F11: variants seen among roughly 807,000 people sequenced by gnomAD.
F11 encodes the protein coagulation factor XI, also known as coagualtion factor XI.
A neutral mutation model predicts 76.5 loss-of-function variants in F11; 78 were observed. The observed-to-expected ratio is 1.02, with a 90% CI of 0.85 to 1.23. The LOEUF (loss-of-function observed/expected upper bound fraction) is 1.23. F11 is among the 50% of genes most tolerant of loss of function. F11 has a pLI of 0.00. For synonymous variants in F11, 278 were observed against 276.3 expected (o/e 1.01, Z -0.06); for missense variants, 742 against 771.4 (o/e 0.96, Z 0.45).
intron 4 of F11, among the ~76,000 whole-genome samples, chr4:186,273,410 A>G (rs569498199): frequency 6.6e-6 from 1 of 152,092 alleles, no homozygotes; most frequent in East Asian, 1.9e-4. Context: ...ACTTCCCATC[A>G]TTTATTTATA....
At chr4:186,275,254 G>A in intron 5 of F11, 1 of 450,852 alleles carries the variant, frequency 2.2e-6, no homozygotes, top group Non-Finnish European at 4.4e-6. Flanking sequence ...ACTTTGGGAG[G>A]CCGAGGCGGG....
At chr4:186,277,485 C>T (rs1740474278) in intron 7 of F11, among the ~76,000 whole-genome samples, 1 of 152,070 alleles carries the variant, frequency 6.6e-6, no homozygotes, top group African/African-American at 2.4e-5. Context: ...TTGTCTAGTT[C>T]TAAATGAAAT....
In F11 at chr4:186,273,142, G is replaced by T; in HGVS notation, c.290G>T (p.Gly97Val). The change falls in exon 4 of 15, where the codon GGG becomes GTG. Residue 97 changes from glycine to valine, a missense_variant. Physicochemically the swap from Gly to Val is moderately radical, Grantham distance 109. Transcript: ENST00000403665. Reference sequence around the variant, plus strand: ...GTGAATAGGACAGCAGCGATTTCTGGGTATTCTTTCAAGCAATGCTCACAC... The same window carrying T: ...GTGAATAGGACAGCAGCGATTTCTGTGTATTCTTTCAAGCAATGCTCACAC... ...PRVNRTAAIS[G>V]YSFKQCSHQI... 6.2e-7 allele frequency: 1 copy of T among 1,613,876 alleles called. No individual in the cohort carries two copies. Among genetic ancestry groups the T allele is most frequent in the Non-Finnish European group, 8.5e-7 (1 of 1,179,840 alleles).
chr4:186,270,685 C>T (rs1236560679), intron 2 of F11, among the ~76,000 whole-genome samples: 4 of 151,870 alleles, frequency 2.6e-5, no homozygotes, highest in African/African-American at 9.7e-5. Context: ...CGTGTGTGCG[C>T]ATGTGCACAT....
chr4:186,282,117 A>C (rs1413869278), intron 10 of F11: 2 of 1,160,918 alleles, frequency 1.7e-6, no homozygotes, highest in African/African-American at 3.1e-5. Context: ...GACACTTAGC[A>C]AATGTTGCTG....
chr4:186,274,868 A>C (rs1477305611), intron 5 of F11: 1 of 172,078 alleles, frequency 5.8e-6, no homozygotes, highest in Non-Finnish European at 1.3e-5. Flanking sequence ...TTAGATTTTC[A>C]TAGTAAACTG....
At chr4:186,282,839 T>C in intron 10 of F11, 3 of 985,310 alleles carry the variant, frequency 3.0e-6, no homozygotes, top group African/African-American at 1.7e-5. Flanking sequence ...CCTTCCGAAC[T>C]CCTTCTCTCA....
At chr4:186,283,249 GCA>G (rs1740928803) in intron 10 of F11, 1 of 146,982 alleles carries the variant, frequency 6.8e-6, no homozygotes, top group African/African-American at 2.7e-5. Flanking sequence ...GTGTTTGTGT[GCA>G]CGTGTGTGTG....
At position 186,271,679 on chromosome 4, in the gene F11, C is replaced by T. The variant is rs754973084; in HGVS notation, c.126C>T (p.Ser42=). Reference sequence around the variant, plus strand: ...ACATTACTACGGTCTTCACACCAAGCGCCAAGTACTGCCAGGTAGTCTGCA... The same window carrying T: ...ACATTACTACGGTCTTCACACCAAGTGCCAAGTACTGCCAGGTAGTCTGCA... ...GGDITTVFTP[S]AKYCQVVCTY... The change falls in exon 3 of 15, where the codon AGC becomes AGT. Residue 42 remains serine (S), a synonymous_variant. Coordinates refer to ENST00000403665, the MANE Select transcript of F11 (RefSeq NM_000128.4). 159 of 1,614,028 alleles carry T rather than the reference C, an allele frequency of 9.9e-5. No homozygotes were observed. The Admixed American group carries it at 1.3e-3, about 13-fold the overall frequency.
chr4:186,268,733 AGAAAAG>A (rs1358586167), intron 2 of F11, among the ~76,000 whole-genome samples: 1 of 152,234 alleles, frequency 6.6e-6, no homozygotes, highest in African/African-American at 2.4e-5. Flanking sequence ...AATGGTAATT[AGAAAAG>A]GAATTGTACA....
chr4:186,290,420 G>A (rs1397090181), downstream of F11, among the ~76,000 whole-genome samples: 6 of 152,258 alleles, frequency 3.9e-5, no homozygotes, highest in South Asian at 2.1e-4. Flanking sequence ...ATCAGAGTGC[G>A]TTCAAGAGTA....
intron 5 of F11, chr4:186,274,596 A>G: frequency 8.0e-6 from 3 of 375,376 alleles, no homozygotes; most frequent in South Asian, 7.5e-5. Context: ...TCCCAGTCTA[A>G]AAAATGTTAC....
At position 186,275,994 on chromosome 4, in the gene F11, C is replaced by T. The variant is rs746510628; in HGVS notation, c.595+98C>T. On this transcript the variant is annotated intron_variant, in intron 6 of 14. Coordinates refer to ENST00000403665, the MANE Select transcript of F11 (RefSeq NM_000128.4). ...ATACCAGCTTATGCTCACGATGAAA[C>T]GGACCCAAAGATCTTTACCTTCTTC... 10 of 1,080,138 alleles carry T rather than the reference C, an allele frequency of 9.3e-6. No homozygotes were observed. In the East Asian group the frequency reaches 2.3e-4, roughly 25 times the overall value. 66.9% of individuals were successfully genotyped at this position (1,080,138 alleles called of 1,614,324 possible).
At position 186,276,351 on chromosome 4, in the gene F11, T is replaced by A. The variant is rs1740381323; in HGVS notation, c.716T>A (p.Phe239Tyr). Reference sequence around the variant, plus strand: ...ACTCATCATCCCGGTTGCTTGTTTTTTACCTTCTTTTCCCAGGAATGGCCC... The same window carrying A: ...ACTCATCATCCCGGTTGCTTGTTTTATACCTTCTTTTCCCAGGAATGGCCC... ...ICTHHPGCLFFTFFSQEWPKE... is the reference protein window; with the variant it reads ...ICTHHPGCLFYTFFSQEWPKE... The change falls in exon 7 of 15, where the codon TTT becomes TAT. Residue 239 changes from phenylalanine (F) to tyrosine (Y), a missense_variant. Coordinates refer to ENST00000403665, the MANE Select transcript of F11 (RefSeq NM_000128.4). The A allele has an allele frequency of 2.5e-6, 4 of 1,614,040 alleles. No homozygotes were observed.
chr4:186,278,274 G>T (rs1480904488), intron 7 of F11, among the ~76,000 whole-genome samples: 2 of 152,204 alleles, frequency 1.3e-5, no homozygotes, highest in African/African-American at 4.8e-5. Context: ...TCAGCCAAGG[G>T]AGGCCCTGTG....
chr4:186,271,099 AGGTGGGGTTTCCAC>A (rs1432950215), intron 2 of F11, among the ~76,000 whole-genome samples: 1 of 152,128 alleles, frequency 6.6e-6, no homozygotes, highest in Non-Finnish European at 1.5e-5. Context: ...TTCCACCAAA[AGGTGGGGTTTCCAC>A]GGTGGGGTTT....
intron 10 of F11, chr4:186,282,990 T>A: frequency 3.0e-6 from 3 of 985,390 alleles, no homozygotes; most frequent in Non-Finnish European, 3.6e-6. Flanking sequence ...CAGTGATTCT[T>A]CTGTTAACTT....
At chr4:186,289,791 T>C (rs982168352), downstream of F11, among the ~76,000 whole-genome samples, 13 of 151,994 alleles carry the variant, frequency 8.6e-5, no homozygotes, top group Non-Finnish European at 1.8e-4. Context: ...CAAGCGATTG[T>C]CCTGCCTCAG....
chr4:186,266,573 T>C (rs1739514645), intron 1 of F11, among the ~76,000 whole-genome samples: 1 of 152,202 alleles, frequency 6.6e-6, no homozygotes, highest in African/African-American at 2.4e-5. Flanking sequence ...GAAGTCTTGA[T>C]TTGTCTCACT....
Sources: allele counts gnomAD v4.1 joint callset (sites outside exome capture counted in the v4.1 genomes callset), GRCh38; gene constraint gnomAD v4.1.1; transcripts MANE v1.5; gene names NCBI Gene and HGNC (gene_info 2026-07-23, HGNC 2026-07-21).